Variants in HTR4 observed in about 807,000 individuals in gnomAD.
HTR4 encodes the protein 5-hydroxytryptamine (serotonin) receptor 4, G protein-coupled.
In HTR4, 16 loss-of-function variants were observed where a neutral mutation model predicts 36.8. That is an observed-to-expected ratio of 0.43 (90% confidence interval 0.29 to 0.66). HTR4 has a LOEUF of 0.66. Among genes scored for constraint, HTR4 ranks in the 30% least tolerant of loss-of-function variants. The pLI is 0.13. For missense variants in HTR4, 438 were observed against 490.9 expected (o/e 0.89, Z 1.02); for synonymous variants, 189 against 185.1 (o/e 1.02, Z -0.17).
Position 148,483,078 on chromosome 5 carries a change from C to T in HTR4, c.*125G>A. 1 of 1,507,462 alleles carries T rather than the reference C, an allele frequency of 6.6e-7. No individual in the cohort carries two copies. The allele number at this position is 1,507,462 out of a possible 1,614,324, so 93.4% of individuals were successfully genotyped here. ...GGAAAAGCCCAGCGAGCACCGGGTT[C>T]CTGCACTGGCGGACGGAAAGCCTCA... is the stretch of plus-strand genomic sequence containing the variant. On this transcript the variant is annotated 3_prime_UTR_variant, in exon 7 of 7. Coordinates refer to ENST00000377888, the MANE Select transcript of HTR4 (RefSeq NM_000870.7).
chr5:148,488,411 A>G (rs1368833195), intron 6 of HTR4, among the ~76,000 whole-genome samples: 1 of 152,212 alleles, frequency 6.6e-6, no homozygotes, highest in Non-Finnish European at 1.5e-5. Context: ...AACAGGATAA[A>G]GCTAAATTTT....
At chr5:148,525,008 T>G (rs10055719) in intron 4 of HTR4, among the ~76,000 whole-genome samples, 23,977 of 152,070 alleles carry the variant, frequency 0.16, 3,469 homozygotes, top group African/African-American at 0.38. Context: ...TGCCAAAAGC[T>G]CCTTGTAGCT....
At chr5:148,518,227 C>T (rs943322457) in intron 5 of HTR4, among the ~76,000 whole-genome samples, 2 of 152,086 alleles carry the variant, frequency 1.3e-5, no homozygotes, top group Non-Finnish European at 2.9e-5. Context: ...TAGATATCTG[C>T]TTATTTTTAA....
chr5:148,558,435 T>C (rs1760052509), intron 2 of HTR4, among the ~76,000 whole-genome samples: 1 of 152,170 alleles, frequency 6.6e-6, no homozygotes, highest in African/African-American at 2.4e-5. Flanking sequence ...AAATTTGTAA[T>C]TGCAAATTCT....
intron 2 of HTR4, among the ~76,000 whole-genome samples, chr5:148,587,557 C>T (rs967481665): frequency 6.6e-6 from 1 of 152,156 alleles, no homozygotes; most frequent in Admixed American, 6.5e-5. Context: ...GCTTTTCCTC[C>T]CAGTAGAACT....
At chr5:148,504,286 AAAC>A (rs1367217468) in intron 6 of HTR4, among the ~76,000 whole-genome samples, 2 of 152,192 alleles carry the variant, frequency 1.3e-5, no homozygotes, top group Non-Finnish European at 2.9e-5. Flanking sequence ...AAATTATAAC[AAAC>A]TGTCTCTCAG....
chr5:148,643,643 C>G (rs185484662), intron 1 of HTR4, among the ~76,000 whole-genome samples: 4 of 152,126 alleles, frequency 2.6e-5, no homozygotes, highest in Non-Finnish European at 5.9e-5. Flanking sequence ...TCAGCAAGCA[C>G]CTGAGAATAA....
chr5:148,614,667 C>A (rs1273790730), intron 2 of HTR4, among the ~76,000 whole-genome samples: 2 of 151,992 alleles, frequency 1.3e-5, no homozygotes, highest in Non-Finnish European at 2.9e-5. Context: ...CAACAAAAGA[C>A]AAAATTGACA....
intron 5 of HTR4, among the ~76,000 whole-genome samples, chr5:148,456,282 C>T (rs571467596): frequency 8.5e-5 from 13 of 152,286 alleles, no homozygotes; most frequent in Non-Finnish European, 1.8e-4. Context: ...GATCTGGGGT[C>T]ATCTGGTTGG....
chr5:148,613,340 G>C (rs1752521373), intron 2 of HTR4, among the ~76,000 whole-genome samples: 3 of 134,646 alleles, frequency 2.2e-5, no homozygotes, highest in African/African-American at 8.2e-5. Flanking sequence ...CCATGATCAA[G>C]TGGGCTTCAT....
Position 148,482,692 on chromosome 5 carries a change from C to A in HTR4, c.*511G>T. 1 of 1,003,830 alleles carries A rather than the reference C, an allele frequency of 1.0e-6. No individual in the cohort carries two copies. Among genetic ancestry groups the A allele is most frequent in the Non-Finnish European group, 1.2e-6 (1 of 839,590 alleles). The allele number at this position is 1,003,830 out of a possible 1,614,324, so 62.2% of individuals were successfully genotyped here. A position where few individuals can be genotyped will look rare whatever the true frequency, so the allele number is the denominator to read the frequency against. On this transcript the variant is annotated 3_prime_UTR_variant, in exon 7 of 7. Transcript: ENST00000377888. The stretch of plus-strand genomic sequence containing the variant: ...GGCACAGAACAGGGCGAAGAAGAGG[C>A]AGGGGATAGCTTGAACATGGCTGTG...
At chr5:148,549,885 G>T (rs997057119) in intron 3 of HTR4, among the ~76,000 whole-genome samples, 1 of 152,058 alleles carries the variant, frequency 6.6e-6, no homozygotes, top group Non-Finnish European at 1.5e-5. Context: ...TATATATAGT[G>T]ATCACAACTA....
At chr5:148,639,738 C>T (rs1258356024) in intron 1 of HTR4, among the ~76,000 whole-genome samples, 1 of 150,766 alleles carries the variant, frequency 6.6e-6, no homozygotes, top group Non-Finnish European at 1.5e-5. Flanking sequence ...GTGACATCTT[C>T]AGTGCCCTCG....
At chr5:148,510,583 A>G (rs1757451564) in intron 5 of HTR4, among the ~76,000 whole-genome samples, 1 of 152,222 alleles carries the variant, frequency 6.6e-6, no homozygotes, top group African/African-American at 2.4e-5. Flanking sequence ...TCCCTGAAAG[A>G]TCTACTAATT....
Position 148,509,961 on chromosome 5 carries a change from G to A in HTR4, c.571C>T (p.Pro191Ser). The change falls in exon 6 of 7, where the codon CCC (proline) becomes TCC (serine). Residue 191 changes from proline to serine, a missense_variant. By Grantham distance (74) the Pro-to-Ser change is moderately conservative (BLOSUM62 -1). Coordinates refer to ENST00000377888, the MANE Select transcript of HTR4 (RefSeq NM_000870.7). The part of the protein sequence containing the change: ...STYCVFMVNK[P>S]YAITCSVVAF... ...ACCACAGAGCAGGTGATGGCGTAGG[G>A]CTTGTTGACCATGAAGACACAGTAC... 1 of 1,613,922 alleles carries A rather than the reference G, an allele frequency of 6.2e-7. No homozygotes were observed. Among genetic ancestry groups the A allele is most frequent in the Non-Finnish European group, 8.5e-7 (1 of 1,179,948 alleles).
chr5:148,559,964 G>A (rs1205934337), intron 2 of HTR4, among the ~76,000 whole-genome samples: 2 of 152,016 alleles, frequency 1.3e-5, no homozygotes, highest in Non-Finnish European at 2.9e-5. Flanking sequence ...ATCATGCTCT[G>A]AATAAATTGC....
At chr5:148,451,369 G>A in intron 5 of HTR4, 2 of 1,583,764 alleles carry the variant, frequency 1.3e-6, no homozygotes, top group South Asian at 1.1e-5. Flanking sequence ...TCCTTTCTTT[G>A]CATACTTCTG....
intron 4 of HTR4, among the ~76,000 whole-genome samples, chr5:148,530,091 G>T (rs1758482325): frequency 6.6e-6 from 1 of 152,190 alleles, no homozygotes; most frequent in Admixed American, 6.5e-5. Context: ...AAAGCATTTA[G>T]TTTTATAAGG....
chr5:148,528,132 G>A (rs768004047), intron 4 of HTR4, among the ~76,000 whole-genome samples: 11 of 152,162 alleles, frequency 7.2e-5, no homozygotes, highest in Middle Eastern at 3.4e-3. Context: ...TAAGTAAAGG[G>A]GGAAAAAGGA....
Sources: gnomAD v4.1 joint callset for allele counts (sites outside exome capture counted in the v4.1 genomes callset) on GRCh38, gnomAD v4.1.1 for gene constraint, MANE v1.5 for transcripts, NCBI Gene and HGNC (gene_info 2026-07-23, HGNC 2026-07-21) for gene names.